GAS7: variants seen among roughly 807,000 people sequenced by gnomAD.
GAS7 encodes growth arrest specific 7.
Under a neutral mutation model 71.1 loss-of-function variants are expected in GAS7, and 28 were observed. That is an observed-to-expected ratio of 0.39 (90% confidence interval 0.29 to 0.54). The LOEUF (loss-of-function observed/expected upper bound fraction) is 0.54. Among genes scored for constraint, GAS7 ranks in the 20% least tolerant of loss-of-function variants. The pLI, the probability that GAS7 is intolerant of heterozygous loss-of-function variation, is 0.62. For synonymous variants in GAS7, 258 were observed against 245.8 expected (o/e 1.05, Z -0.46); for missense variants, 436 against 627.8 (o/e 0.69, Z 3.27).
intron 3 of GAS7, among the ~76,000 whole-genome samples, chr17:9,971,798 G>A (rs1281485026): frequency 6.6e-6 from 1 of 152,174 alleles, no homozygotes; most frequent in South Asian, 2.1e-4. Flanking sequence ...ACTCTATAGC[G>A]TGGCAGGAAG....
chr17:9,933,724 T>C (rs1000180903), intron 9 of GAS7, among the ~76,000 whole-genome samples: 1 of 151,946 alleles, frequency 6.6e-6, no homozygotes, highest in Non-Finnish European at 1.5e-5. Flanking sequence ...ATACACCTGT[T>C]GTCCCAGCTA....
At chr17:10,167,013 T>C (rs1297099372) in intron 1 of GAS7, among the ~76,000 whole-genome samples, 1 of 147,652 alleles carries the variant, frequency 6.8e-6, no homozygotes, top group African/African-American at 2.5e-5. Context: ...TATTTCTAAC[T>C]TGACTAAACC....
chr17:9,944,776 C>T (rs928621387), intron 6 of GAS7, among the ~76,000 whole-genome samples: 2 of 152,196 alleles, frequency 1.3e-5, no homozygotes, highest in Non-Finnish European at 2.9e-5. Context: ...CTTCACTCTA[C>T]GAATGCTACA....
At chr17:10,078,542 T>C (rs1187998822) in intron 1 of GAS7, among the ~76,000 whole-genome samples, 1 of 152,216 alleles carries the variant, frequency 6.6e-6, no homozygotes, top group Admixed American at 6.5e-5. Context: ...AGTAGCTCAG[T>C]TGTAATTTAC....
rs571674168 is a variant in GAS7, at chr17:10,077,287, G to A, written c.184-57390C>T. Among the ~76,000 whole-genome samples, 280 of 152,224 alleles carry A rather than the reference G, an allele frequency of 1.8e-3. 1 individual carries two copies. Among genetic ancestry groups the A allele is most frequent in the African/African-American group, 5.9e-3 (246 of 41,540 alleles). On this transcript the variant is annotated intron_variant, in intron 1 of 13. Coordinates refer to ENST00000432992, the MANE Select transcript of GAS7 (RefSeq NM_201433.2). ...ATGATTAAAATGGCTGATTGAAAAC[G>A]GGCTGTTTATATCCATGCCCTCCTA... is the stretch of plus-strand genomic sequence containing the variant.
At chr17:10,001,012 A>AAAACAAAC (rs60639057) in intron 2 of GAS7, among the ~76,000 whole-genome samples, 2 of 151,622 alleles carry the variant, frequency 1.3e-5, no homozygotes, top group African/African-American at 4.9e-5. Flanking sequence ...GTATCATATA[A>AAAACAAAC]AAACAAACAA....
intron 1 of GAS7, among the ~76,000 whole-genome samples, chr17:10,127,868 G>A (rs548997207): frequency 2.0e-5 from 3 of 152,310 alleles, no homozygotes; most frequent in South Asian, 2.1e-4. Flanking sequence ...CAGAACCCAC[G>A]CAAAGATCTG....
At chr17:10,082,555 T>C (rs557332695) in intron 1 of GAS7, among the ~76,000 whole-genome samples, 12 of 152,348 alleles carry the variant, frequency 7.9e-5, no homozygotes, top group African/African-American at 2.2e-4. Context: ...GATGAGGAAA[T>C]TGAAGCAGTG....
In GAS7 at chr17:10,008,804, C is replaced by T. The variant is rs78025001; in HGVS notation, c.304+10973G>A. Among the ~76,000 whole-genome samples, 1,412 of 152,252 alleles carry T rather than the reference C, an allele frequency of 9.3e-3. 40 individuals carry two copies. The highest frequency in any genetic ancestry group is 0.091 in the East Asian group (470 of 5,178). On this transcript the variant is annotated intron_variant, in intron 2 of 13. Transcript: ENST00000432992. ...TCTCTCTCACACACACACGCACACACGCACACGCACGCAACCCTAATTTAA... is the reference window on the plus strand; with the variant it reads ...TCTCTCTCACACACACACGCACACATGCACACGCACGCAACCCTAATTTAA...
chr17:9,963,918 TA>T (rs140599750), intron 4 of GAS7, among the ~76,000 whole-genome samples: 2,704 of 150,746 alleles, frequency 0.018, 93 homozygotes, highest in African/African-American at 0.062. Flanking sequence ...AAATGTGGTT[TA>T]AAATAATCTA....
chr17:9,991,645 T>A (rs1008572646), intron 2 of GAS7, among the ~76,000 whole-genome samples: 1 of 151,828 alleles, frequency 6.6e-6, no homozygotes, highest in Non-Finnish European at 1.5e-5. Flanking sequence ...TGTCTCTCAA[T>A]CCCCATTAGG....
Position 9,914,273 on chromosome 17 carries a change from C to T in GAS7, c.*2955G>A. Reference sequence around the variant, plus strand: ...ATGGAGTCTTGCTCTGTCACCCAAGCTGGAGTGCAGTGGCCCGATCTTGGT... The same window carrying T: ...ATGGAGTCTTGCTCTGTCACCCAAGTTGGAGTGCAGTGGCCCGATCTTGGT... On this transcript the variant is annotated 3_prime_UTR_variant, in exon 14 of 14. Coordinates refer to ENST00000432992, the MANE Select transcript of GAS7 (RefSeq NM_201433.2). 5.1e-6 allele frequency: 1 copy of T among 195,176 alleles called. No homozygotes were observed. The highest frequency in any genetic ancestry group is 1.1e-5 in the Non-Finnish European group (1 of 93,726). 12.1% of individuals were successfully genotyped at this position (195,176 alleles called of 1,614,324 possible).
At chr17:10,036,603 G>A in intron 1 of GAS7, 1 of 1,472,082 alleles carries the variant, frequency 6.8e-7, no homozygotes, top group Non-Finnish European at 9.0e-7. Context: ...AGTGTTCTGG[G>A]CACCCCAGCG....
At chr17:9,937,947 C>T (rs1312947817) in intron 8 of GAS7, among the ~76,000 whole-genome samples, 1 of 152,122 alleles carries the variant, frequency 6.6e-6, no homozygotes, top group Non-Finnish European at 1.5e-5. Context: ...TAAAATTAAC[C>T]GTTGAAAAGT....
At chr17:10,058,949 T>A (rs1448409038) in intron 1 of GAS7, among the ~76,000 whole-genome samples, 1 of 152,358 alleles carries the variant, frequency 6.6e-6, no homozygotes, top group African/African-American at 2.4e-5. Context: ...TATACAATCC[T>A]GTGTTCATTA....
At chr17:10,067,959 C>T (rs1403410565) in intron 1 of GAS7, among the ~76,000 whole-genome samples, 1 of 152,190 alleles carries the variant, frequency 6.6e-6, no homozygotes, top group Non-Finnish European at 1.5e-5. Context: ...TGTAAAGAAT[C>T]GGGGTGTGGC....
At chr17:9,933,151 G>A (rs779026982) in intron 9 of GAS7, among the ~76,000 whole-genome samples, 11 of 151,896 alleles carry the variant, frequency 7.2e-5, no homozygotes, top group African/African-American at 1.5e-4. Flanking sequence ...CAGCCTGGGC[G>A]ACAAAGCAAG....
At position 10,048,274 on chromosome 17, in the gene GAS7, C is replaced by T. The variant is rs11657516; in HGVS notation, c.184-28377G>A. 8.8e-3 allele frequency among the ~76,000 whole-genome samples: 1,340 copies of T among 152,364 alleles called. 2 individuals are homozygous for T. Among genetic ancestry groups the T allele is most frequent in the Non-Finnish European group, 0.014 (959 of 68,040 alleles). On this transcript the variant is annotated intron_variant, in intron 1 of 13. Transcript: ENST00000432992. ...CGGTGATCGCGCCATTGCAACCTCG[C>T]GCCATTGCAGTTGCGCCTGGGCGAC... is the stretch of plus-strand genomic sequence containing the variant.
chr17:10,022,436 T>A lies in GAS7; in HGVS notation c.184-2539A>T, dbSNP rs144030574. Among the ~76,000 whole-genome samples, 562 of 152,056 alleles carry A rather than the reference T, an allele frequency of 3.7e-3. 11 individuals carry two copies. Among genetic ancestry groups the A allele is most frequent in the Middle Eastern group, 0.027 (8 of 292 alleles). ...ATAACTTGGGAGGAAATAGGAAGGATCAAATATTGACATGGTCAGAAAAGG... is the reference window on the plus strand; with the variant it reads ...ATAACTTGGGAGGAAATAGGAAGGAACAAATATTGACATGGTCAGAAAAGG... On this transcript the variant is annotated intron_variant, in intron 1 of 13. Transcript: ENST00000432992.
Sources: gnomAD v4.1 joint callset for allele counts (sites outside exome capture counted in the v4.1 genomes callset) on GRCh38, gnomAD v4.1.1 for gene constraint, MANE v1.5 for transcripts, NCBI Gene and HGNC (gene_info 2026-07-23, HGNC 2026-07-21) for gene names.